The following CADM2 variants were observed in gnomAD, a reference collection of about 807,000 sequenced individuals.
The protein encoded by CADM2 is immunoglobulin superfamily member 4D.
A neutral mutation model predicts 49.8 loss-of-function variants in CADM2; 12 were observed. That is an observed-to-expected ratio of 0.24 (90% confidence interval 0.15 to 0.39). The LOEUF is 0.39. Among genes scored for constraint, CADM2 ranks in the 10% least tolerant of loss-of-function variants. CADM2 has a pLI of 1.00. For synonymous variants in CADM2, 214 were observed against 175.4 expected, an observed-to-expected ratio of 1.22 and a Z score of -1.74; for missense variants, 378 against 492.3, an observed-to-expected ratio of 0.77 and a Z score of 2.20.
At chr3:85,569,299 T>G (rs1314843678) in intron 1 of CADM2, among the ~76,000 whole-genome samples, 5 of 152,212 alleles carry the variant, frequency 3.3e-5, no homozygotes, top group Non-Finnish European at 4.4e-5. Flanking sequence ...TTTTTCTTGC[T>G]GACTGCTATT....
rs574478390 is a variant in CADM2 at position 85,982,287 on chromosome 3, CAGAT to C, written c.970+20642_970+20645del. Among the ~76,000 whole-genome samples, 439 of 151,566 alleles carry C rather than the reference CAGAT, an allele frequency of 2.9e-3. 1 individual carries two copies. Among genetic ancestry groups the C allele is most frequent in the African/African-American group, 1.0e-2 (414 of 41,422 alleles). On this transcript the variant is annotated intron_variant, in intron 8 of 9. Transcript: ENST00000383699. Reference sequence around the variant, plus strand: ...TTACACCATGGATGCTTAAAGTGCTCAGATAATTTATTTTTCCCTTAAACACTCA... The same window carrying C: ...TTACACCATGGATGCTTAAAGTGCTCAATTTATTTTTCCCTTAAACACTCA...
intron 3 of CADM2, among the ~76,000 whole-genome samples, chr3:85,850,314 CTTTTTTTTT>C (rs577604958): frequency 1.3e-4 from 10 of 76,068 alleles, no homozygotes; most frequent in Non-Finnish European, 2.0e-4. Flanking sequence ...TGTTGCAATT[CTTTTTTTTT>C]TTTTTTTTTT....
chr3:85,368,831 T>C (rs1373156302), intron 1 of CADM2, among the ~76,000 whole-genome samples: 1 of 152,072 alleles, frequency 6.6e-6, no homozygotes, highest in Non-Finnish European at 1.5e-5. Flanking sequence ...TAAACACAAC[T>C]AATTGTACCC....
chr3:84,986,538 T>TA (rs1235098855), intron 1 of CADM2, among the ~76,000 whole-genome samples: 1 of 150,478 alleles, frequency 6.6e-6, no homozygotes, highest in African/African-American at 2.4e-5. Flanking sequence ...GGGAGAAGGA[T>TA]AAAAAACTTC....
At chr3:86,010,192 A>G (rs1577938827) in intron 8 of CADM2, among the ~76,000 whole-genome samples, 1 of 152,016 alleles carries the variant, frequency 6.6e-6, no homozygotes, top group East Asian at 1.9e-4. Flanking sequence ...AGGGAATTAC[A>G]ATCCTGGACA....
chr3:85,098,648 C>A (rs563464555), intron 1 of CADM2, among the ~76,000 whole-genome samples: 2 of 152,220 alleles, frequency 1.3e-5, no homozygotes, highest in African/African-American at 4.8e-5. Context: ...CTATATTCGT[C>A]CCTCAGTACA....
At chr3:85,815,945 G>A (rs2073177177) in intron 3 of CADM2, among the ~76,000 whole-genome samples, 1 of 152,048 alleles carries the variant, frequency 6.6e-6, no homozygotes, top group Non-Finnish European at 1.5e-5. Context: ...TTTCAAAATA[G>A]CATTATTACT....
chr3:85,117,688 T>C (rs1429372388), intron 1 of CADM2, among the ~76,000 whole-genome samples: 1 of 152,160 alleles, frequency 6.6e-6, no homozygotes, highest in Non-Finnish European at 1.5e-5. Flanking sequence ...GATTAGGGTG[T>C]TTTATGAAGT....
At chr3:85,202,078 G>GA (rs57243426) in intron 1 of CADM2, among the ~76,000 whole-genome samples, 837 of 79,472 alleles carry the variant, frequency 0.011, 15 homozygotes, top group Non-Finnish European at 0.015. Context: ...GACTCTGTCT[G>GA]AAAAAAAAAA....
intron 1 of CADM2, among the ~76,000 whole-genome samples, chr3:85,474,305 A>AAG (rs1366530671): frequency 6.6e-6 from 1 of 151,886 alleles, no homozygotes. Context: ...TTGGAGTCCG[A>AAG]AGAGAGTCTC....
rs893954602 is a variant in CADM2, at chr3:85,889,720, T to C, written c.529+3393T>C. On this transcript the variant is annotated intron_variant, in intron 5 of 9. Transcript: ENST00000383699. Reference sequence around the variant, plus strand: ...ATTTTAGATATTATTATCATTATCATTGTAATTTGTATTTTCAGGAAATCA... The same window carrying C: ...ATTTTAGATATTATTATCATTATCACTGTAATTTGTATTTTCAGGAAATCA... 4.6e-5 allele frequency among the ~76,000 whole-genome samples: 7 copies of C among 152,238 alleles called. 1 individual carries two copies. In the East Asian group the frequency reaches 9.7e-4, roughly 21 times the overall value.
chr3:85,779,597 T>A (rs2070147021), intron 2 of CADM2, among the ~76,000 whole-genome samples: 1 of 152,090 alleles, frequency 6.6e-6, no homozygotes, highest in Non-Finnish European at 1.5e-5. Flanking sequence ...CTCACTATCA[T>A]GTGGGCAGCA....
intron 1 of CADM2, among the ~76,000 whole-genome samples, chr3:85,217,584 ATC>A (rs1248274137): frequency 2.0e-5 from 3 of 152,108 alleles, no homozygotes; most frequent in African/African-American, 7.2e-5. Context: ...GGAAACAAAT[ATC>A]TCTCTGCATA....
rs961938302 is a variant in CADM2, at chr3:85,731,947, G to T, written c.88+5399G>T. On this transcript the variant is annotated intron_variant, in intron 2 of 9. Transcript: ENST00000383699. Reference sequence around the variant, plus strand: ...AACTACTTTTTTAAAGCTATTTTTAGATTGTAATTTTAAAAGTGGGCCGGG... The same window carrying T: ...AACTACTTTTTTAAAGCTATTTTTATATTGTAATTTTAAAAGTGGGCCGGG... 8.6e-5 allele frequency among the ~76,000 whole-genome samples: 13 copies of T among 151,554 alleles called. 1 individual carries two copies. Among genetic ancestry groups the T allele is most frequent in the Admixed American group, 3.9e-4 (6 of 15,204 alleles).
intron 5 of CADM2, among the ~76,000 whole-genome samples, chr3:85,908,512 TG>T (rs1377963330): frequency 6.6e-6 from 1 of 151,958 alleles, no homozygotes; most frequent in African/African-American, 2.4e-5. Context: ...AGCTAATTTT[TG>T]TTTAGAATTA....
chr3:85,306,384 A>G (rs1051476304), intron 1 of CADM2, among the ~76,000 whole-genome samples: 7 of 151,732 alleles, frequency 4.6e-5, no homozygotes, highest in Non-Finnish European at 8.9e-5. Flanking sequence ...CATCAATCTA[A>G]TGAAGGAAAT....
At chr3:85,078,749 C>G (rs1452528557) in intron 1 of CADM2, among the ~76,000 whole-genome samples, 1 of 151,280 alleles carries the variant, frequency 6.6e-6, no homozygotes, top group Non-Finnish European at 1.5e-5. Flanking sequence ...GCCGGTAACC[C>G]CATTGAGCAT....
At chr3:86,000,095 T>A (rs549914720) in intron 8 of CADM2, among the ~76,000 whole-genome samples, 2 of 152,324 alleles carry the variant, frequency 1.3e-5, no homozygotes, top group Admixed American at 1.3e-4. Context: ...CATGGCATCA[T>A]TCTGTGTTTA....
chr3:85,130,592 T>G (rs1214530943), intron 1 of CADM2, among the ~76,000 whole-genome samples: 1 of 152,138 alleles, frequency 6.6e-6, no homozygotes, highest in Admixed American at 6.6e-5. Flanking sequence ...GTTAAAGAGA[T>G]TAAGTTTCCC....
Sources: allele counts gnomAD v4.1 joint callset (sites outside exome capture counted in the v4.1 genomes callset), GRCh38; gene constraint gnomAD v4.1.1; transcripts MANE v1.5; gene names NCBI Gene and HGNC (gene_info 2026-07-23, HGNC 2026-07-21).